Variants in SEMA7A observed in about 807,000 individuals in gnomAD.
SEMA7A encodes the protein semaphorin-7A.
SEMA7A carries 21 observed loss-of-function variants against 67.5 expected under a neutral mutation model. The ratio of observed to expected loss-of-function variants is 0.31; its 90% CI spans 0.22 to 0.45. SEMA7A has a LOEUF of 0.45. Among genes scored for constraint, SEMA7A ranks in the 20% least tolerant of loss-of-function variants. SEMA7A has a pLI of 1.00. For synonymous variants in SEMA7A, 364 were observed against 368.5 expected (o/e 0.99, Z 0.14); for missense variants, 774 against 908.6 (o/e 0.85, Z 1.90).
Position 74,411,743 on chromosome 15 carries a change from G to A in SEMA7A, c.1423-33C>T, listed in dbSNP as rs754101560. ...GACAGCAGGATTGGGTCAGGCCCGG[G>A]CCCCACCCCACACTCAGTCCTAAAT... On this transcript the variant is annotated intron_variant, in intron 11 of 13. Coordinates refer to ENST00000261918, the MANE Select transcript of SEMA7A (RefSeq NM_003612.5). The surrounding 1 kb of genome is among the most constrained non-coding windows in gnomAD (Gnocchi z 4.4). The A allele has an allele frequency of 6.2e-7, 1 of 1,609,410 alleles. No homozygotes were observed. The highest frequency in any genetic ancestry group is 8.5e-7 in the Non-Finnish European group (1 of 1,179,270).
chr15:74,418,391 G>GC, intron 2 of SEMA7A, 82 bp from the exon 3 acceptor site: 1 of 1,377,682 alleles, frequency 7.3e-7, no homozygotes, highest in South Asian at 1.2e-5. Context: ...CTCAGGATAA[G>GC]CCCCAAAGGA....
intron 1 of SEMA7A, among the ~76,000 whole-genome samples, chr15:74,419,442 G>A (rs2060980810): frequency 6.6e-6 from 1 of 152,162 alleles, no homozygotes; most frequent in Admixed American, 6.5e-5. Flanking sequence ...TGGAGTCCAG[G>A]TTCCCAGGAA....
chr15:74,417,021 T>C (rs111535275), intron 6 of SEMA7A, among the ~76,000 whole-genome samples: 47 of 152,272 alleles, frequency 3.1e-4, no homozygotes, highest in African/African-American at 1.1e-3. Flanking sequence ...AGAGCCCTGA[T>C]GAGGAGGGAG....
chr15:74,422,988 C>A (rs1397282013), intron 1 of SEMA7A, among the ~76,000 whole-genome samples: 1 of 152,234 alleles, frequency 6.6e-6, no homozygotes, highest in Non-Finnish European at 1.5e-5. Flanking sequence ...GCAAAGCCAG[C>A]CTTGCAACCT....
At chr15:74,433,507 C>T (rs1434356099) in intron 1 of SEMA7A, 2 of 1,165,216 alleles carry the variant, frequency 1.7e-6, no homozygotes, top group East Asian at 3.5e-5. Flanking sequence ...GCGACTTAGC[C>T]GGGGCTCCGG....
At position 74,410,407 on chromosome 15, in the gene SEMA7A, G is replaced by A. The variant is rs547041824; in HGVS notation, c.*217C>T. On this transcript the variant is annotated 3_prime_UTR_variant, in exon 14 of 14. Coordinates refer to ENST00000261918, the MANE Select transcript of SEMA7A (RefSeq NM_003612.5). This position sits in a 1 kb window ranked among gnomAD's most constrained non-coding sequence, Gnocchi z 7.5. ...TCATCGATGCCCCAGCTTCACAGTC[G>A]GTGCCCTCATTCTCAGCCCCTCACC... 77 of 563,648 alleles carry A rather than the reference G, an allele frequency of 1.4e-4. No homozygotes were observed. In the East Asian group the frequency reaches 2.0e-3, roughly 15 times the overall value. The allele number at this position is 563,648 out of a possible 1,614,324, so 34.9% of individuals were successfully genotyped here.
chr15:74,411,861 G>A lies in SEMA7A; in HGVS notation c.1422+24C>T, dbSNP rs2060903527. On this transcript the variant is annotated intron_variant, in intron 11 of 13. Transcript: ENST00000261918. The surrounding 1 kb of genome is among the most constrained non-coding windows in gnomAD (Gnocchi z 4.4). ...CAGCTGCAGTCACTGCATAGCCCAT[G>A]GGACGCAGTGGGGGAAGGCTCACCC... The A allele has an allele frequency of 6.2e-7, 1 of 1,612,858 alleles. No homozygotes were observed. Among genetic ancestry groups the A allele is most frequent in the African/African-American group, 1.3e-5 (1 of 74,940 alleles).
At chr15:74,429,649 A>G (rs2061071205) in intron 1 of SEMA7A, among the ~76,000 whole-genome samples, 1 of 152,280 alleles carries the variant, frequency 6.6e-6, no homozygotes, top group South Asian at 2.1e-4. Context: ...GCCCTTCTCC[A>G]GTGGGTGCGT....
intron 10 of SEMA7A, among the ~76,000 whole-genome samples, chr15:74,412,614 A>G (rs985378325): frequency 1.3e-5 from 2 of 152,166 alleles, no homozygotes; most frequent in African/African-American, 4.8e-5. Context: ...AAGATAGTAC[A>G]GAGAGCTCCA....
Position 74,415,884 on chromosome 15 carries a change from G to A in SEMA7A, c.903C>T (p.Asn301=). 1 of 1,614,148 alleles carries A rather than the reference G, an allele frequency of 6.2e-7. No homozygotes were observed. Among genetic ancestry groups the A allele is most frequent in the Non-Finnish European group, 8.5e-7 (1 of 1,179,998 alleles). The change falls in exon 8 of 14, where the codon AAC becomes AAT. Residue 301 remains asparagine, a synonymous_variant. Coordinates refer to ENST00000261918, the MANE Select transcript of SEMA7A (RefSeq NM_003612.5). ...CSDAATNKNF[N]RLQDVFLLPD... ...GGAGCAGGAAGACGTCTTGCAGCCT[G>A]TTGAAGTTCTTGTTGGTGGCAGCAT...
chr15:74,419,573 G>A (rs964563437), intron 1 of SEMA7A, among the ~76,000 whole-genome samples: 25 of 152,162 alleles, frequency 1.6e-4, no homozygotes, highest in Admixed American at 1.2e-3. Context: ...CATCTACTCC[G>A]TCCCATTTCA....
At position 74,410,683 on chromosome 15, in the gene SEMA7A, C is replaced by T; in HGVS notation, c.1942G>A (p.Ala648Thr). 1.2e-6 allele frequency: 2 copies of T among 1,610,698 alleles called. No homozygotes were observed. Among genetic ancestry groups the T allele is most frequent in the East Asian group, 2.2e-5 (1 of 44,792 alleles). ...AGCACCCCCAGCCAGAGGGAGGCGG[C>T]CAGGGCACAGGCATGACCCAGCAGG... is the stretch of plus-strand genomic sequence containing the variant. The part of the protein sequence containing the change: ...EHLLGHACAL[A>T]ASLWLGVLPT... Residue 648 changes from alanine to threonine, a missense_variant, in exon 14 of 14, where the codon GCC (alanine) becomes ACC (threonine). This residue lies in a region of SEMA7A where 427 missense variants were observed against 555.4 expected (regional missense o/e 0.77). Coordinates refer to ENST00000261918, the MANE Select transcript of SEMA7A (RefSeq NM_003612.5). The surrounding 1 kb of genome is among the most constrained non-coding windows in gnomAD (Gnocchi z 7.5).
chr15:74,422,711 T>C (rs1284525029), intron 1 of SEMA7A, among the ~76,000 whole-genome samples: 1 of 152,160 alleles, frequency 6.6e-6, no homozygotes, highest in Non-Finnish European at 1.5e-5. Flanking sequence ...TTGGAAAGAA[T>C]GGGGCCTGAC....
In SEMA7A at chr15:74,411,234, T is replaced by TCAGGG; in HGVS notation, c.1639+56_1639+60dup. 1 of 1,552,474 alleles carries TCAGGG rather than the reference T, an allele frequency of 6.4e-7. No individual in the cohort carries two copies. The highest frequency in any genetic ancestry group is 8.8e-7 in the Non-Finnish European group (1 of 1,133,720). Reference sequence around the variant, plus strand: ...CCATGTCTCCCTCAGACCAGGACAATCAGGGCAGGGCAGTACCCCACTCAT... The same window carrying TCAGGG: ...CCATGTCTCCCTCAGACCAGGACAATCAGGGCAGGGCAGGGCAGTACCCCACTCAT... On this transcript the variant is annotated intron_variant, in intron 13 of 13. Transcript: ENST00000261918. This position sits in a 1 kb window ranked among gnomAD's most constrained non-coding sequence, Gnocchi z 4.4.
At chr15:74,413,000 C>T (rs2060915242) in intron 10 of SEMA7A, among the ~76,000 whole-genome samples, 1 of 152,168 alleles carries the variant, frequency 6.6e-6, no homozygotes, top group South Asian at 2.1e-4. Flanking sequence ...ACCTGCTCTC[C>T]CAGTTTCTAG....
At position 74,411,372 on chromosome 15, in the gene SEMA7A, C is replaced by A. The variant is rs1209754496; in HGVS notation, c.1578-16G>T. The A allele has an allele frequency of 6.2e-7, 1 of 1,612,984 alleles. No homozygotes were observed. Among genetic ancestry groups the A allele is most frequent in the African/African-American group, 1.3e-5 (1 of 74,874 alleles). On this transcript the variant is annotated splice_polypyrimidine_tract_variant and intron_variant, in intron 12 of 13. Coordinates refer to ENST00000261918, the MANE Select transcript of SEMA7A (RefSeq NM_003612.5). This position sits in a 1 kb window ranked among gnomAD's most constrained non-coding sequence, Gnocchi z 4.4. ...CAGCACTGACCTGGAGTGGGAAGGACGAAAGAGGATCAGCAGATACAAGGC... is the reference window on the plus strand; with the variant it reads ...CAGCACTGACCTGGAGTGGGAAGGAAGAAAGAGGATCAGCAGATACAAGGC...
chr15:74,418,773 G>A lies in SEMA7A; in HGVS notation c.330+28C>T. On this transcript the variant is annotated intron_variant, in intron 2 of 13. Transcript: ENST00000261918. ...CCAGAGGGGAGATAAGAGGGTAGGGGGGGTGTTGGGGGAAGAGAGAGGCTC... is the reference window on the plus strand; with the variant it reads ...CCAGAGGGGAGATAAGAGGGTAGGGAGGGTGTTGGGGGAAGAGAGAGGCTC... 3 of 1,609,358 alleles carry A rather than the reference G, an allele frequency of 1.9e-6. No homozygotes were observed. In the South Asian group the frequency reaches 3.3e-5, roughly 18 times the overall value.
At position 74,411,506 on chromosome 15, in the gene SEMA7A, C is replaced by T. The variant is rs375908700; in HGVS notation, c.1577+50G>A. 4 of 1,544,564 alleles carry T rather than the reference C, an allele frequency of 2.6e-6. No homozygotes were observed. The highest frequency in any genetic ancestry group is 1.3e-5 in the South Asian group (1 of 79,400). ...TCCTCCAGCCCGACAACACCTCCCC[C>T]TCTCCCATGCCCACCTTCTCCCAGG... On this transcript the variant is annotated intron_variant, in intron 12 of 13. Coordinates refer to ENST00000261918, the MANE Select transcript of SEMA7A (RefSeq NM_003612.5). The surrounding 1 kb of genome is among the most constrained non-coding windows in gnomAD (Gnocchi z 4.4).
At chr15:74,430,588 C>T (rs1203998170) in intron 1 of SEMA7A, among the ~76,000 whole-genome samples, 1 of 152,358 alleles carries the variant, frequency 6.6e-6, no homozygotes, top group East Asian at 1.9e-4. Flanking sequence ...CTCTCAGAAT[C>T]TTCACTGTCC....
Sources: gnomAD v4.1 joint callset for allele counts (sites outside exome capture counted in the v4.1 genomes callset) on GRCh38, gnomAD v4.1.1 for gene constraint, gnomAD v4.1.1 regional missense constraint, Gnocchi (gnomAD v3.1) non-coding constraint, MANE v1.5 for transcripts, NCBI Gene and HGNC (gene_info 2026-07-23, HGNC 2026-07-21) for gene names.